Variants in KANSL1 observed in about 807,000 individuals in gnomAD.
KANSL1 encodes KAT8 regulatory NSL complex subunit 1.
KANSL1 carries 22 observed loss-of-function variants against 103.6 expected under a neutral mutation model. The observed-to-expected ratio is 0.21, with a 90% CI of 0.15 to 0.30. The LOEUF (loss-of-function observed/expected upper bound fraction) is 0.30. Among genes scored for constraint, KANSL1 ranks in the 10% least tolerant of loss-of-function variants. The probability of loss-of-function intolerance (pLI) is 1.00; values close to 1 mark genes in which losing one functional copy is unlikely to be tolerated. For missense variants in KANSL1, 1,337 were observed against 1,399.8 expected, an observed-to-expected ratio of 0.96 and a Z score of 0.72; for synonymous variants, 600 against 527.6, an observed-to-expected ratio of 1.14 and a Z score of -1.88.
At chr17:46,129,004 C>G (rs927867138) in intron 2 of KANSL1, among the ~76,000 whole-genome samples, 11 of 151,958 alleles carry the variant, frequency 7.2e-5, no homozygotes, top group African/African-American at 2.4e-4. Context: ...TGGTAGCAGT[C>G]AAATGAGGAA....
intron 2 of KANSL1, among the ~76,000 whole-genome samples, chr17:46,103,709 C>G (rs1175917575): frequency 1.3e-5 from 2 of 152,164 alleles, no homozygotes; most frequent in Admixed American, 6.5e-5. Flanking sequence ...TAACACAAAG[C>G]CCATACTTCT....
chr17:46,214,453 C>A (rs1413165246), intron 1 of KANSL1, among the ~76,000 whole-genome samples: 1 of 152,112 alleles, frequency 6.6e-6, no homozygotes, highest in Admixed American at 6.5e-5. Flanking sequence ...CAGGAGTTCG[C>A]AACCAGCCTG....
chr17:46,106,685 G>A lies in KANSL1; in HGVS notation c.1290-11984C>T, dbSNP rs1008210499. Among the ~76,000 whole-genome samples, 6 of 152,258 alleles carry A rather than the reference G, an allele frequency of 3.9e-5. No individual in the cohort carries two copies. In the South Asian group the frequency reaches 8.3e-4, roughly 21 times the overall value. ...TGGGAATACAGGTGTGAGCCAATGC[G>A]CCCAGCTGAGACCATATTTTCAGAA... On this transcript the variant is annotated intron_variant, in intron 2 of 14. Coordinates refer to ENST00000432791, the MANE Select transcript of KANSL1 (RefSeq NM_015443.4).
intron 2 of KANSL1, among the ~76,000 whole-genome samples, chr17:46,156,270 C>T (rs2045423018): frequency 6.6e-6 from 1 of 152,176 alleles, no homozygotes; most frequent in African/African-American, 2.4e-5. Context: ...TCCCTTGAAC[C>T]CAGGAGGCAG....
chr17:46,116,361 TCTA>T (rs1339456391), intron 2 of KANSL1, among the ~76,000 whole-genome samples: 18 of 152,088 alleles, frequency 1.2e-4, no homozygotes, highest in African/African-American at 4.3e-4. Flanking sequence ...AAACCCCGTC[TCTA>T]CTAAAAACAC....
At chr17:46,114,232 G>A (rs541028162) in intron 2 of KANSL1, among the ~76,000 whole-genome samples, 70 of 152,258 alleles carry the variant, frequency 4.6e-4, no homozygotes, top group Middle Eastern at 3.4e-3. Flanking sequence ...GGTGGCAGGC[G>A]CCTGTTGTCC....
At chr17:46,197,614 G>A (rs1466133573), upstream of KANSL1, among the ~76,000 whole-genome samples, 2 of 152,248 alleles carry the variant, frequency 1.3e-5, no homozygotes, top group Admixed American at 6.5e-5. Context: ...CTGCACTCCA[G>A]CCTACGCGAC....
intron 3 of KANSL1, among the ~76,000 whole-genome samples, chr17:46,084,612 G>T (rs1260067669): frequency 5.3e-5 from 8 of 150,934 alleles, no homozygotes; most frequent in Non-Finnish European, 1.5e-5. Flanking sequence ...AACCTGGGAG[G>T]TGTAGGTTGC....
At chr17:46,189,487 A>G (rs1308431700) in intron 1 of KANSL1, among the ~76,000 whole-genome samples, 1 of 152,254 alleles carries the variant, frequency 6.6e-6, no homozygotes, top group Non-Finnish European at 1.5e-5. Flanking sequence ...CCACAAGCTG[A>G]AAAAACATAA....
chr17:46,167,463 A>C (rs527417722), intron 2 of KANSL1, among the ~76,000 whole-genome samples: 1 of 152,368 alleles, frequency 6.6e-6, no homozygotes, highest in African/African-American at 2.4e-5. Flanking sequence ...AAGGAGATAA[A>C]ATTTAAATTC....
At chr17:46,151,540 C>T (rs1297781153) in intron 2 of KANSL1, among the ~76,000 whole-genome samples, 2 of 152,206 alleles carry the variant, frequency 1.3e-5, no homozygotes, top group Non-Finnish European at 2.9e-5. Flanking sequence ...GTTAACTAGC[C>T]TTCGGTCATT....
At chr17:46,103,468 TA>T (rs1481575198) in intron 2 of KANSL1, among the ~76,000 whole-genome samples, 29 of 152,216 alleles carry the variant, frequency 1.9e-4, no homozygotes, top group South Asian at 1.9e-3. Context: ...TTTTATAATC[TA>T]AAAAACAATA....
chr17:46,059,211 A>C (rs111372048), intron 6 of KANSL1, among the ~76,000 whole-genome samples: 21,794 of 152,154 alleles, frequency 0.14, 2,130 homozygotes, highest in Non-Finnish European at 0.22. Flanking sequence ...CCAAAGAAAA[A>C]GCTGAAGTTG....
chr17:46,135,312 G>A (rs1213527823), intron 2 of KANSL1, among the ~76,000 whole-genome samples: 2 of 152,048 alleles, frequency 1.3e-5, no homozygotes, highest in African/African-American at 2.4e-5. Flanking sequence ...TTACAGTTGG[G>A]CAATGCACAC....
At chr17:46,190,203 A>C in intron 1 of KANSL1, among the ~76,000 whole-genome samples, 1 of 152,378 alleles carries the variant, frequency 6.6e-6, no homozygotes, top group South Asian at 2.1e-4. Context: ...GTGACAGTGA[A>C]GAAAAAAGTT....
At chr17:46,141,679 T>C (rs2044429302) in intron 2 of KANSL1, among the ~76,000 whole-genome samples, 1 of 152,178 alleles carries the variant, frequency 6.6e-6, no homozygotes, top group South Asian at 2.1e-4. Flanking sequence ...ATGAATCTAG[T>C]AAAAATTTGG....
At chr17:46,139,146 T>G (rs1251393017) in intron 2 of KANSL1, among the ~76,000 whole-genome samples, 1 of 152,224 alleles carries the variant, frequency 6.6e-6, no homozygotes, top group East Asian at 1.9e-4. Context: ...AAACAATACC[T>G]AGGACATCAC....
chr17:46,171,543 A>G lies in KANSL1; in HGVS notation c.601T>C (p.Leu201=), dbSNP rs968606714. 6.2e-7 allele frequency: 1 copy of G among 1,612,146 alleles called. No homozygotes were observed. The highest frequency in any genetic ancestry group is 1.3e-5 in the African/African-American group (1 of 74,836). Residue 201 remains leucine (L), a synonymous_variant, in exon 2 of 15, where the codon TTG becomes CTG. Coordinates refer to ENST00000432791, the MANE Select transcript of KANSL1 (RefSeq NM_015443.4). ...GTGCAATTGGTCATACCCCCCTTCA[A>G]GTCCCCAGATTCAGATCCTCCCATT... The part of the protein sequence containing the change: ...GEMGGSESGD[L]KGGMTNCTLP...
intron 4 of KANSL1, among the ~76,000 whole-genome samples, chr17:46,072,082 C>G (rs12150625): frequency 0.14 from 21,729 of 151,584 alleles, 2,117 homozygotes; most frequent in Non-Finnish European, 0.22. Flanking sequence ...GCAGGCATCT[C>G]ATTCATTACT....
Sources: allele counts gnomAD v4.1 joint callset (sites outside exome capture counted in the v4.1 genomes callset), GRCh38; gene constraint gnomAD v4.1.1; transcripts MANE v1.5; gene names NCBI Gene and HGNC (gene_info 2026-07-23, HGNC 2026-07-21).